DNAJC3: variants seen among roughly 807,000 people sequenced by gnomAD.
The protein encoded by DNAJC3 is DnaJ heat shock protein family (Hsp40) member C3.
A neutral mutation model predicts 68.6 loss-of-function variants in DNAJC3; 38 were observed. The observed-to-expected ratio is 0.55, with a 90% CI of 0.43 to 0.73. DNAJC3 has a LOEUF of 0.73. Among genes scored for constraint, DNAJC3 ranks in the 30% least tolerant of loss-of-function variants. The pLI is 0.00. For synonymous variants in DNAJC3, 203 were observed against 204.0 expected (o/e 1.00, Z 0.04); for missense variants, 526 against 591.9 (o/e 0.89, Z 1.16).
At chr13:95,714,508 T>G (rs918647959) in intron 2 of DNAJC3, among the ~76,000 whole-genome samples, 7 of 152,230 alleles carry the variant, frequency 4.6e-5, no homozygotes, top group Non-Finnish European at 1.5e-5. Flanking sequence ...AAAACAGGTT[T>G]GCTATAATAA....
At chr13:95,755,755 T>C (rs1319899043) in intron 4 of DNAJC3, among the ~76,000 whole-genome samples, 2 of 26,560 alleles carry the variant, frequency 7.5e-5, no homozygotes, top group Non-Finnish European at 1.3e-4. Flanking sequence ...AGACGCCGTC[T>C]CAAAAAAAAA....
intron 1 of DNAJC3, among the ~76,000 whole-genome samples, chr13:95,701,271 T>C (rs1880580526): frequency 6.6e-6 from 1 of 152,216 alleles, no homozygotes; most frequent in African/African-American, 2.4e-5. Context: ...CTGCAAAATA[T>C]GTCTCTTTGT....
chr13:95,726,173 C>A (rs542884309), intron 4 of DNAJC3, among the ~76,000 whole-genome samples: 12 of 152,036 alleles, frequency 7.9e-5, no homozygotes, highest in Non-Finnish European at 1.6e-4. Flanking sequence ...GATTTATAAT[C>A]CTTTGGGTAT....
chr13:95,704,922 G>A lies in DNAJC3; in HGVS notation c.83-4305G>A, dbSNP rs565136891. 2.3e-4 allele frequency among the ~76,000 whole-genome samples: 34 copies of A among 148,022 alleles called. No homozygotes were observed. The South Asian group carries it at 7.2e-3, about 31-fold the overall frequency. The stretch of plus-strand genomic sequence containing the variant: ...GCTGGAGTGCAGTGGCATGATCTCA[G>A]CTCACCGCAACCTCCACCTCGTGGG... On this transcript the variant is annotated intron_variant, in intron 1 of 11. Coordinates refer to ENST00000602402, the MANE Select transcript of DNAJC3 (RefSeq NM_006260.5).
chr13:95,696,343 G>A (rs958096071), intron 1 of DNAJC3, among the ~76,000 whole-genome samples: 5 of 152,120 alleles, frequency 3.3e-5, no homozygotes, highest in African/African-American at 1.2e-4. Context: ...TAACACTTGG[G>A]AGTGACTATA....
At chr13:95,746,758 G>T (rs1882317985) in intron 4 of DNAJC3, among the ~76,000 whole-genome samples, 1 of 152,156 alleles carries the variant, frequency 6.6e-6, no homozygotes, top group Non-Finnish European at 1.5e-5. Context: ...ATACAGCCAG[G>T]TGGATATGTT....
In DNAJC3 at chr13:95,715,762, C is replaced by T. The variant is rs554465001; in HGVS notation, c.193+6425C>T. ...TTGGCCTCCAAAAATGTTGGGATTA[C>T]AGGCATGAGCCACTGCGCCCAGCCA... On this transcript the variant is annotated intron_variant, in intron 2 of 11. Coordinates refer to ENST00000602402, the MANE Select transcript of DNAJC3 (RefSeq NM_006260.5). Among the ~76,000 whole-genome samples the T allele has an allele frequency of 2.0e-5, 3 of 151,680 alleles. No individual in the cohort carries two copies. The East Asian group carries it at 6.0e-4, about 30-fold the overall frequency.
chr13:95,729,974 T>C (rs1881660906), intron 4 of DNAJC3, among the ~76,000 whole-genome samples: 1 of 152,174 alleles, frequency 6.6e-6, no homozygotes, highest in South Asian at 2.1e-4. Flanking sequence ...CTGTTGATTG[T>C]GTCTTTTGCT....
chr13:95,701,329 G>T (rs2139617316), intron 1 of DNAJC3, among the ~76,000 whole-genome samples: 1 of 152,302 alleles, frequency 6.6e-6, no homozygotes, highest in Non-Finnish European at 1.5e-5. Flanking sequence ...GTAGACACAA[G>T]AATAGCTCTG....
Position 95,704,851 on chromosome 13 carries a change from G to GTTTTTTTTTTTTTTTTTTTTTTTTTTTT in DNAJC3, c.83-4358_83-4357insTTTTTTTTTTTTTTTTTTTTTTTTTTTT, listed in dbSNP as rs1193979630. On this transcript the variant is annotated intron_variant, in intron 1 of 11. Coordinates refer to ENST00000602402, the MANE Select transcript of DNAJC3 (RefSeq NM_006260.5). ...AGAAAGGACTAATCTGTGTGTGTGT[G>GTTTTTTTTTTTTTTTTTTTTTTTTTTTT]TTTTTTTTTTTTTTTTTTGAGACAG... is the stretch of plus-strand genomic sequence containing the variant. Among the ~76,000 whole-genome samples, 120 of 97,810 alleles carry GTTTTTTTTTTTTTTTTTTTTTTTTTTTT rather than the reference G, an allele frequency of 1.2e-3. 11 individuals carry two copies. Among genetic ancestry groups the GTTTTTTTTTTTTTTTTTTTTTTTTTTTT allele is most frequent in the African/African-American group, 2.1e-3 (35 of 16,738 alleles). 64.2% of individuals were successfully genotyped at this position (97,810 alleles called of 152,430 possible).
chr13:95,787,192 GGTGGTGTTAGAAGCGAGGGTGGAACAT>G (rs769797527), intron 11 of DNAJC3, 37 bp downstream of exon 11: 1 of 1,593,568 alleles, frequency 6.3e-7, no homozygotes, highest in South Asian at 1.1e-5. Flanking sequence ...TCATCCTAGA[GGTGGTGTTAGAAGCGAGGGTGGAACAT>G]GTGGTGGGTT....
At chr13:95,775,987 T>TTTTA (rs1555328978) in intron 9 of DNAJC3, among the ~76,000 whole-genome samples, 8 of 150,706 alleles carry the variant, frequency 5.3e-5, no homozygotes, top group African/African-American at 1.9e-4. Flanking sequence ...GATACTCTTT[T>TTTTA]TATATATATA....
chr13:95,779,887 G>C (rs1291330964), intron 9 of DNAJC3, among the ~76,000 whole-genome samples: 3 of 152,078 alleles, frequency 2.0e-5, no homozygotes, highest in African/African-American at 7.2e-5. Context: ...TTCTTTTCCT[G>C]ATTTTTAAAA....
At position 95,707,630 on chromosome 13, in the gene DNAJC3, C is replaced by T. The variant is rs1038497826; in HGVS notation, c.83-1597C>T. On this transcript the variant is annotated intron_variant, in intron 1 of 11. Transcript: ENST00000602402. ...ACTGCTCCCAATACCAATTGTGTGT[C>T]ACTCATGGTCCGTTGAGGAGAGACC... Among the ~76,000 whole-genome samples the T allele has an allele frequency of 1.1e-4, 16 of 152,150 alleles. No homozygotes were observed. The East Asian group carries it at 3.1e-3, about 29-fold the overall frequency.
intron 9 of DNAJC3, among the ~76,000 whole-genome samples, chr13:95,771,255 ACCATTCCTAAGGTCTGATAC>A (rs1883149582): frequency 6.6e-6 from 1 of 152,214 alleles, no homozygotes; most frequent in Non-Finnish European, 1.5e-5. Flanking sequence ...TCTTAGGGAT[ACCATTCCTAAGGTCTGATAC>A]CCATGCGACA....
At chr13:95,724,382 C>T (rs944775186) in intron 3 of DNAJC3, among the ~76,000 whole-genome samples, 6 of 151,926 alleles carry the variant, frequency 3.9e-5, no homozygotes, top group African/African-American at 7.3e-5. Flanking sequence ...TTGAAAGAAA[C>T]GGGATTACAC....
intron 1 of DNAJC3, among the ~76,000 whole-genome samples, chr13:95,703,174 C>A (rs909388847): frequency 6.6e-6 from 1 of 152,162 alleles, no homozygotes; most frequent in African/African-American, 2.4e-5. Flanking sequence ...CAAGACATAA[C>A]CTTGTTTTCT....
chr13:95,685,265 G>A (rs1880042466), intron 1 of DNAJC3, among the ~76,000 whole-genome samples: 1 of 152,244 alleles, frequency 6.6e-6, no homozygotes, highest in African/African-American at 2.4e-5. Context: ...GTGAGACATG[G>A]AGTCAAAGGA....
intron 4 of DNAJC3, among the ~76,000 whole-genome samples, chr13:95,756,242 G>A (rs1418622757): frequency 6.6e-6 from 1 of 152,086 alleles, no homozygotes; most frequent in African/African-American, 2.4e-5. Context: ...TCTCCGATGG[G>A]GTTTATCCGA....
Sources: gnomAD v4.1 joint callset for allele counts (sites outside exome capture counted in the v4.1 genomes callset) on GRCh38, gnomAD v4.1.1 for gene constraint, MANE v1.5 for transcripts, NCBI Gene and HGNC (gene_info 2026-07-23, HGNC 2026-07-21) for gene names.